The following MYT1L variants were observed in gnomAD, a reference collection of about 807,000 sequenced individuals.
MYT1L encodes myelin transcription factor 1-like protein.
In MYT1L, 12 loss-of-function variants were observed where a neutral mutation model predicts 126.7. That is an observed-to-expected ratio of 0.09 (90% CI 0.06 to 0.15). The LOEUF is 0.15. MYT1L is among the 10% of genes least tolerant of loss of function. MYT1L has a pLI of 1.00. For synonymous variants in MYT1L, 541 were observed against 604.2 expected (o/e 0.90, Z 1.53); for missense variants, 979 against 1,585.2 (o/e 0.62, Z 6.49).
At chr2:2,166,396 A>G (rs547719608) in intron 3 of MYT1L, among the ~76,000 whole-genome samples, 77 of 152,308 alleles carry the variant, frequency 5.1e-4, no homozygotes, top group Admixed American at 3.2e-3. Context: ...ATACATCTCT[A>G]TGTTAGCAAT....
intron 3 of MYT1L, among the ~76,000 whole-genome samples, chr2:2,155,207 G>C (rs2086528453): frequency 6.6e-6 from 1 of 152,192 alleles, no homozygotes; most frequent in Non-Finnish European, 1.5e-5. Flanking sequence ...TCTTAAAAGT[G>C]TTGGACTGAA....
intron 18 of MYT1L, among the ~76,000 whole-genome samples, chr2:1,869,040 G>A (rs1669997170): frequency 6.6e-6 from 1 of 152,262 alleles, no homozygotes; most frequent in Admixed American, 6.5e-5. Context: ...CAGGCCATGG[G>A]TGCTAGAGCT....
rs577530700 is a variant in MYT1L, at chr2:2,138,345, T to C, written c.-304+34527A>G. 3.3e-4 allele frequency among the ~76,000 whole-genome samples: 49 copies of C among 147,274 alleles called. 1 individual carries two copies. The South Asian group carries it at 0.011, about 33-fold the overall frequency. ...TTGACCCAGCCATCCCATTACTGGG[T>C]ATATACCCAAAGGACTATAAATCAT... On this transcript the variant is annotated intron_variant, in intron 3 of 24. Transcript: ENST00000647738.
chr2:1,805,659 G>A (rs2035582941), intron 22 of MYT1L, among the ~76,000 whole-genome samples: 1 of 152,230 alleles, frequency 6.6e-6, no homozygotes, highest in Non-Finnish European at 1.5e-5. Flanking sequence ...GCCGAGGGAG[G>A]TGGATTGCTT....
intron 11 of MYT1L, among the ~76,000 whole-genome samples, chr2:1,914,490 C>G (rs530571062): frequency 6.3e-4 from 95 of 151,986 alleles, no homozygotes; most frequent in Non-Finnish European, 1.0e-3. Flanking sequence ...GCAATTCCAC[C>G]ATCAGTTTCC....
intron 3 of MYT1L, among the ~76,000 whole-genome samples, chr2:2,109,911 A>ATC (rs1325459579): frequency 5.8e-5 from 7 of 120,332 alleles, no homozygotes; most frequent in African/African-American, 1.8e-4. Context: ...ATATATATAT[A>ATC]TATATATATA....
chr2:2,248,606 T>C (rs143032382), intron 2 of MYT1L, among the ~76,000 whole-genome samples: 153 of 152,220 alleles, frequency 1.0e-3, no homozygotes, highest in African/African-American at 3.5e-3. Context: ...CTGATAAATA[T>C]TGATGCAAAA....
intron 3 of MYT1L, among the ~76,000 whole-genome samples, chr2:2,165,883 CTTT>C (rs968782528): frequency 1.0e-4 from 15 of 150,346 alleles, no homozygotes; most frequent in African/African-American, 3.7e-4. Context: ...ATAATAAAAT[CTTT>C]TATTTTTCTA....
chr2:1,917,441 G>A lies in MYT1L; in HGVS notation c.1484-102C>T. 2.8e-6 allele frequency: 4 copies of A among 1,407,984 alleles called. No individual in the cohort carries two copies. Among genetic ancestry groups the A allele is most frequent in the Admixed American group, 2.1e-5 (1 of 47,124 alleles). 87.2% of individuals were successfully genotyped at this position (1,407,984 alleles called of 1,614,324 possible). A position where few individuals can be genotyped will look rare whatever the true frequency, so the allele number is the denominator to read the frequency against. ...AAACCTTGCTAAAGAAAGAAATAAA[G>A]CAGGTGTCGGGGGCTAGGCTGTGAC... On this transcript the variant is annotated intron_variant, in intron 10 of 24. Transcript: ENST00000647738. This position sits in a 1 kb window ranked among gnomAD's most constrained non-coding sequence, Gnocchi z 5.9.
intron 5 of MYT1L, among the ~76,000 whole-genome samples, chr2:1,996,844 C>T (rs1320526810): frequency 2.7e-5 from 4 of 146,234 alleles, no homozygotes; most frequent in East Asian, 2.1e-4. Context: ...TGTAGACGGG[C>T]CGCCTTTACC....
chr2:2,181,603 T>C (rs1400775204), intron 2 of MYT1L, among the ~76,000 whole-genome samples: 1 of 152,134 alleles, frequency 6.6e-6, no homozygotes, highest in Non-Finnish European at 1.5e-5. Context: ...GGGGCATGAG[T>C]GTACTTAAGG....
chr2:2,207,809 A>G (rs1322492947), intron 2 of MYT1L, among the ~76,000 whole-genome samples: 2 of 152,222 alleles, frequency 1.3e-5, no homozygotes, highest in East Asian at 3.9e-4. Context: ...ACACTCATGT[A>G]TGGTTGGGTG....
At chr2:1,805,308 T>C (rs2035518155) in intron 22 of MYT1L, among the ~76,000 whole-genome samples, 1 of 152,244 alleles carries the variant, frequency 6.6e-6, no homozygotes, top group South Asian at 2.1e-4. Context: ...GCCAGGGTCC[T>C]TCTTGGCCGA....
Position 1,979,362 on chromosome 2 carries a change from G to C in MYT1L, c.90-135C>G. 1 of 1,099,604 alleles carries C rather than the reference G, an allele frequency of 9.1e-7. No homozygotes were observed. The highest frequency in any genetic ancestry group is 1.4e-6 in the Non-Finnish European group (1 of 733,904). The allele number at this position is 1,099,604 out of a possible 1,614,324, so 68.1% of individuals were successfully genotyped here. On this transcript the variant is annotated intron_variant, in intron 7 of 24. Coordinates refer to ENST00000647738, the MANE Select transcript of MYT1L (RefSeq NM_001303052.2). The surrounding 1 kb of genome is among the most constrained non-coding windows in gnomAD (Gnocchi z 4.0). ...CACAATCCAAAGGAGGGGGAAATTC[G>C]GGGAGGCTTTTTACGAGCAAGTCTC...
At chr2:2,155,925 G>A (rs941824371) in intron 3 of MYT1L, among the ~76,000 whole-genome samples, 14 of 152,002 alleles carry the variant, frequency 9.2e-5, no homozygotes, top group Non-Finnish European at 1.3e-4. Flanking sequence ...GATTCACCTC[G>A]CTAAGCCCCA....
intron 1 of MYT1L, among the ~76,000 whole-genome samples, chr2:2,315,136 G>T (rs900169991): frequency 2.6e-5 from 4 of 152,186 alleles, no homozygotes; most frequent in African/African-American, 9.7e-5. Flanking sequence ...TTCTGTTAGT[G>T]TGTCAACTGT....
intron 1 of MYT1L, among the ~76,000 whole-genome samples, chr2:2,312,409 A>T (rs1573470840): frequency 1.3e-5 from 2 of 152,056 alleles, no homozygotes; most frequent in South Asian, 4.1e-4. Context: ...TCAGGAGTTC[A>T]AGACCAGCCT....
intron 5 of MYT1L, among the ~76,000 whole-genome samples, chr2:1,990,836 T>C (rs1046250079): frequency 2.0e-5 from 3 of 152,132 alleles, no homozygotes; most frequent in Admixed American, 6.5e-5. Flanking sequence ...GCCAGGACAA[T>C]ACCATGTGAA....
intron 21 of MYT1L, 96 bp downstream of exon 21, chr2:1,839,053 G>A (rs1018830565): frequency 1.6e-5 from 17 of 1,068,620 alleles, no homozygotes; most frequent in Admixed American, 2.5e-5. Flanking sequence ...CACAGGTGAC[G>A]GGAGAAGCTG....
Sources: allele counts gnomAD v4.1 joint callset (sites outside exome capture counted in the v4.1 genomes callset), GRCh38; gene constraint gnomAD v4.1.1; non-coding constraint Gnocchi (gnomAD v3.1); transcripts MANE v1.5; gene names NCBI Gene and HGNC (gene_info 2026-07-23, HGNC 2026-07-21).